Variants in DNAH10 observed in about 807,000 individuals in gnomAD.
The protein encoded by DNAH10 is dynein axonemal heavy chain 10, also known as axonemal beta dynein heavy chain 10.
Under a neutral mutation model 506.6 loss-of-function variants are expected in DNAH10, and 348 were observed. The observed-to-expected ratio is 0.69, with a 90% CI of 0.63 to 0.75. The LOEUF is 0.75. Among genes scored for constraint, DNAH10 ranks in the 30% least tolerant of loss-of-function variants. The pLI, the probability that DNAH10 is intolerant of heterozygous loss-of-function variation, is 0.00. For synonymous variants in DNAH10, 2,059 were observed against 2,198.6 expected (o/e 0.94, Z 1.78); for missense variants, 5,179 against 5,787.1 (o/e 0.89, Z 3.41).
chr12:123,868,993 T>G (rs1951920108), intron 43 of DNAH10, among the ~76,000 whole-genome samples: 1 of 152,212 alleles, frequency 6.6e-6, no homozygotes, highest in Admixed American at 6.5e-5. Flanking sequence ...GTTGGCCTGC[T>G]TCCCTGGCTT....
At chr12:123,844,311 G>A (rs1565981390) in intron 30 of DNAH10, among the ~76,000 whole-genome samples, 1 of 152,176 alleles carries the variant, frequency 6.6e-6, no homozygotes, top group Non-Finnish European at 1.5e-5. Context: ...TTTGAGACGA[G>A]ACGTGGGTGG....
intron 36 of DNAH10, among the ~76,000 whole-genome samples, chr12:123,856,706 T>C (rs116852802): frequency 0.027 from 4,067 of 148,280 alleles, 79 homozygotes; most frequent in Non-Finnish European, 0.045. Context: ...TATTTTATGT[T>C]TAATCTCATG....
chr12:123,932,218 GT>G, intron 76 of DNAH10, 110 bp downstream of exon 76: 1 of 1,281,910 alleles, frequency 7.8e-7, no homozygotes, highest in Non-Finnish European at 1.1e-6. Flanking sequence ...CTCTGTTAAA[GT>G]TTATTGGGTG....
intron 7 of DNAH10, 104 bp downstream of exon 7, chr12:123,783,368 C>A: frequency 7.2e-7 from 1 of 1,379,952 alleles, no homozygotes; most frequent in Non-Finnish European, 1.0e-6. Flanking sequence ...TCTTTTCTTA[C>A]TGTTTTATGA....
At chr12:123,906,555 T>C (rs1953791584) in intron 57 of DNAH10, among the ~76,000 whole-genome samples, 1 of 152,248 alleles carries the variant, frequency 6.6e-6, no homozygotes, top group African/African-American at 2.4e-5. Context: ...TTTGTGGCTT[T>C]TGGATATTGT....
chr12:123,905,772 G>A (rs897420339), intron 57 of DNAH10, among the ~76,000 whole-genome samples: 11 of 152,180 alleles, frequency 7.2e-5, no homozygotes, highest in South Asian at 2.1e-4. Context: ...ATATAATGGG[G>A]AGCTCAGCTT....
chr12:123,858,257 G>C (rs1951476015), intron 37 of DNAH10, among the ~76,000 whole-genome samples: 2 of 152,056 alleles, frequency 1.3e-5, no homozygotes, highest in African/African-American at 4.8e-5. Flanking sequence ...TTGTCATTAA[G>C]CCAAACACGT....
intron 38 of DNAH10, 140 bp from the exon 39 acceptor site, chr12:123,860,872 C>A: frequency 9.6e-7 from 1 of 1,037,624 alleles, no homozygotes; most frequent in Non-Finnish European, 1.4e-6. Flanking sequence ...TGAAGGGAAG[C>A]CCAGTGAAGA....
At chr12:123,829,876 C>G (rs1960358532) in intron 25 of DNAH10, among the ~76,000 whole-genome samples, 1 of 152,190 alleles carries the variant, frequency 6.6e-6, no homozygotes, top group African/African-American at 2.4e-5. Flanking sequence ...AATGCAAAAC[C>G]TTAAAGGAAG....
Position 123,787,992 on chromosome 12 carries a change from A to G in DNAH10, c.1610A>G (p.Asp537Gly). 1 of 1,568,560 alleles carries G rather than the reference A, an allele frequency of 6.4e-7. No homozygotes were observed. The highest frequency in any genetic ancestry group is 8.6e-7 in the Non-Finnish European group (1 of 1,156,212). Residue 537 changes from aspartate to glycine, a missense_variant, in exon 10 of 79, where the codon GAC (aspartate) becomes GGC (glycine). Physicochemically the swap from Asp to Gly is moderately conservative, Grantham distance 94 (BLOSUM62 -1). Around this residue, in one of 3 missense-constraint regions of DNAH10, gnomAD observed 4,844 missense variants for 5,430.5 expected, o/e 0.89. Transcript: ENST00000673944. The surrounding 1 kb of genome is among the most constrained non-coding windows in gnomAD (Gnocchi z 4.6). ...GCCACCATCTGCCAGGACCTCTCCG[A>G]CGTTCTGCAGGTAGGGGCTGGGCGA... ...YMATICQDLS[D>G]VLQILEEFYN...
At position 123,875,471 on chromosome 12, in the gene DNAH10, A is replaced by G; in HGVS notation, c.8179A>G (p.Ile2727Val). 6.2e-7 allele frequency: 1 copy of G among 1,613,912 alleles called. No homozygotes were observed. The highest frequency in any genetic ancestry group is 1.6e-4 in the Middle Eastern group (1 of 6,062). ...EESLHLIYSS[I>V]LKGHTSTFHE... is the part of the protein sequence containing the mutation. ...GTCTCTGCATTTAATTTATTCCTCC[A>G]TCCTGAAAGGCCACACCTCGGTAAC... is the stretch of plus-strand genomic sequence containing the variant. Residue 2727 changes from isoleucine to valine, a missense_variant, in exon 47 of 79, where the codon ATC becomes GTC. This residue lies in a region of DNAH10 where 4,844 missense variants were observed against 5,430.5 expected (regional missense o/e 0.89). Transcript: ENST00000673944.
At chr12:123,771,306 T>TA (rs1186411428) in intron 2 of DNAH10, among the ~76,000 whole-genome samples, 1 of 152,020 alleles carries the variant, frequency 6.6e-6, no homozygotes, top group Admixed American at 6.6e-5. Flanking sequence ...CCCTTTTAAG[T>TA]AAAAAACCTC....
At chr12:123,869,722 G>C (rs980917588) in intron 43 of DNAH10, among the ~76,000 whole-genome samples, 1 of 152,130 alleles carries the variant, frequency 6.6e-6, no homozygotes, top group Non-Finnish European at 1.5e-5. Flanking sequence ...TCCTTCTCAG[G>C]CTCCTCGCTC....
intron 21 of DNAH10, among the ~76,000 whole-genome samples, chr12:123,816,467 A>T (rs1328229817): frequency 6.6e-6 from 1 of 152,202 alleles, no homozygotes; most frequent in Non-Finnish European, 1.5e-5. Flanking sequence ...GTTGTTAACC[A>T]CACCAAGGTG....
At chr12:123,914,753 G>C in intron 61 of DNAH10, 99 bp from the exon 62 acceptor site, 1 of 1,492,240 alleles carries the variant, frequency 6.7e-7, no homozygotes, top group South Asian at 1.3e-5. Flanking sequence ...TGTGGCCTGG[G>C]GATGGGTAGA....
In DNAH10 at chr12:123,820,560, T is replaced by G. The variant is rs1446605103; in HGVS notation, c.4001-20T>G. The G allele has an allele frequency of 1.2e-6, 2 of 1,608,656 alleles. No individual in the cohort carries two copies. The highest frequency in any genetic ancestry group is 1.3e-5 in the African/African-American group (1 of 74,610). ...CCTTAAAATTGTATTTATTCACTCATCGGTGTATTTATTTACTAGGAGTAG... is the reference window on the plus strand; with the variant it reads ...CCTTAAAATTGTATTTATTCACTCAGCGGTGTATTTATTTACTAGGAGTAG... On this transcript the variant is annotated intron_variant, in intron 23 of 78. Coordinates refer to ENST00000673944, the MANE Select transcript of DNAH10 (RefSeq NM_001372106.1).
At chr12:123,788,418 T>C (rs550655481) in intron 10 of DNAH10, among the ~76,000 whole-genome samples, 1 of 152,148 alleles carries the variant, frequency 6.6e-6, no homozygotes, top group African/African-American at 2.4e-5. Context: ...TAGTGGCTGA[T>C]TGAATTAGCC....
chr12:123,934,546 G>A (rs906752577), intron 77 of DNAH10, 75 bp from the exon 78 acceptor site: 3 of 1,572,202 alleles, frequency 1.9e-6, no homozygotes, highest in Admixed American at 3.6e-5. Context: ...GTCGCTGTGT[G>A]TGCGCCTGAT....
rs1175079422 is a variant in DNAH10 at position 123,800,260 on chromosome 12, T to C, written c.2334T>C (p.Ala778=). The change falls in exon 15 of 79, where the codon GCT becomes GCC. Residue 778 remains alanine, a synonymous_variant. Transcript: ENST00000673944. ...AGCCTTCGACTTTAGAAAGGGGAGCTGTTTTTGCAATCAACTTTTCACCGG... is the reference window on the plus strand; with the variant it reads ...AGCCTTCGACTTTAGAAAGGGGAGCCGTTTTTGCAATCAACTTTTCACCGG... ...TEEPSTLERG[A]VFAINFSPAL... is the part of the protein sequence containing the mutation. The C allele has an allele frequency of 6.2e-7, 1 of 1,614,074 alleles. No homozygotes were observed. The highest frequency in any genetic ancestry group is 8.5e-7 in the Non-Finnish European group (1 of 1,179,992).
Sources: allele counts gnomAD v4.1 joint callset (sites outside exome capture counted in the v4.1 genomes callset), GRCh38; gene constraint gnomAD v4.1.1; regional missense constraint gnomAD v4.1.1; non-coding constraint Gnocchi (gnomAD v3.1); transcripts MANE v1.5; gene names NCBI Gene and HGNC (gene_info 2026-07-23, HGNC 2026-07-21).